Variants in RADIL observed in about 807,000 individuals in gnomAD.
The protein encoded by RADIL is Rap associating with DIL domain.
Under a neutral mutation model 97.6 loss-of-function variants are expected in RADIL, and 99 were observed. The ratio of observed to expected loss-of-function variants is 1.01; its 90% CI spans 0.86 to 1.20. RADIL has a LOEUF of 1.20. Ranked by LOEUF, RADIL falls within the 50% of genes most tolerant of loss-of-function variation. The pLI is 0.00. For synonymous variants in RADIL, 803 were observed against 691.8 expected (o/e 1.16, Z -2.52); for missense variants, 1,765 against 1,498.9 (o/e 1.18, Z -2.93).
chr7:4,820,528 G>C (rs1583280464), intron 6 of RADIL, among the ~76,000 whole-genome samples: 1 of 152,352 alleles, frequency 6.6e-6, no homozygotes, highest in African/African-American at 2.4e-5. Context: ...GCCAGGAGGG[G>C]TTGACACTAC....
rs1339378476 is a variant in RADIL, at chr7:4,815,457, A to G, written c.1967-7T>C. 2 of 1,495,570 alleles carry G rather than the reference A, an allele frequency of 1.3e-6. No homozygotes were observed. The highest frequency in any genetic ancestry group is 1.8e-6 in the Non-Finnish European group (2 of 1,119,334). The allele number at this position is 1,495,570 out of a possible 1,614,324, so 92.6% of individuals were successfully genotyped here. Reference sequence around the variant, plus strand: ...AAGCAGCTCAGGGAGGGGCCTGTGGAGGGAAGAAGGGAGGGTGATGCCTGG... The same window carrying G: ...AAGCAGCTCAGGGAGGGGCCTGTGGGGGGAAGAAGGGAGGGTGATGCCTGG... On this transcript the variant is annotated splice_polypyrimidine_tract_variant and splice_region_variant and intron_variant, in intron 8 of 14. Transcript: ENST00000399583. The surrounding 1 kb of genome is among the most constrained non-coding windows in gnomAD (Gnocchi z 8.0).
At chr7:4,871,857 T>G (rs952047274) in intron 2 of RADIL, among the ~76,000 whole-genome samples, 1 of 152,214 alleles carries the variant, frequency 6.6e-6, no homozygotes, top group African/African-American at 2.4e-5. Context: ...CAGTGAGTGC[T>G]GGGGTGGTGT....
chr7:4,853,367 C>A (rs141391590), intron 2 of RADIL, among the ~76,000 whole-genome samples: 3 of 152,196 alleles, frequency 2.0e-5, no homozygotes, highest in African/African-American at 7.2e-5. Context: ...CTCACCTAAA[C>A]ACATGGGCCT....
chr7:4,836,657 A>C (rs765819795), intron 2 of RADIL, 52 bp from the exon 3 acceptor site: 1 of 1,597,976 alleles, frequency 6.3e-7, no homozygotes, highest in Non-Finnish European at 8.5e-7. Context: ...TAGCACCAGG[A>C]CTGGGCGCGG....
chr7:4,876,010 T>C (rs1221947112), intron 2 of RADIL, among the ~76,000 whole-genome samples: 1 of 152,140 alleles, frequency 6.6e-6, no homozygotes, highest in East Asian at 1.9e-4. Flanking sequence ...TTTATTGTTA[T>C]TTTTTTGAGA....
chr7:4,811,982 C>T (rs1782561334), intron 9 of RADIL, among the ~76,000 whole-genome samples: 1 of 152,044 alleles, frequency 6.6e-6, no homozygotes, highest in Non-Finnish European at 1.5e-5. Flanking sequence ...TCCTGGAATC[C>T]TCCTGCCTCA....
At position 4,834,885 on chromosome 7, in the gene RADIL, G is replaced by A. The variant is rs959818948; in HGVS notation, c.1138C>T (p.Arg380Trp). ...ARLRAVPQSC[R>W]LCGAALGARG... The stretch of plus-strand genomic sequence containing the variant: ...GCCCCGAGCGCGGCCCCGCACAGCC[G>A]GCAGCTCTGCGGCACAGCCCGGAGG... The change falls in exon 4 of 15, where the codon CGG (arginine) becomes TGG (tryptophan). Residue 380 changes from arginine (R) to tryptophan (W), a missense_variant. Coordinates refer to ENST00000399583, the MANE Select transcript of RADIL (RefSeq NM_018059.5). The surrounding 1 kb of genome is among the most constrained non-coding windows in gnomAD (Gnocchi z 6.0). 8 of 1,448,788 alleles carry A rather than the reference G, an allele frequency of 5.5e-6. No individual in the cohort carries two copies. The highest frequency in any genetic ancestry group is 2.8e-5 in the Admixed American group (1 of 35,460). 89.7% of individuals were successfully genotyped at this position (1,448,788 alleles called of 1,614,324 possible).
rs1017118859 is a variant in RADIL, at chr7:4,854,781, T to A, written c.536-18176A>T. On this transcript the variant is annotated intron_variant, in intron 2 of 14. Coordinates refer to ENST00000399583, the MANE Select transcript of RADIL (RefSeq NM_018059.5). This position sits in a 1 kb window ranked among gnomAD's most constrained non-coding sequence, Gnocchi z 5.1. ...TCACACATATGAAAGCATTTGTAAC[T>A]TAGACTAATAACAAAATAAACACCA... is the stretch of plus-strand genomic sequence containing the variant. Among the ~76,000 whole-genome samples, 1 of 152,138 alleles carries A rather than the reference T, an allele frequency of 6.6e-6. No individual in the cohort carries two copies. Among genetic ancestry groups the A allele is most frequent in the Non-Finnish European group, 1.5e-5 (1 of 68,032 alleles).
chr7:4,821,150 G>A lies in RADIL; in HGVS notation c.1615+1244C>T, dbSNP rs1016181094. 6.6e-6 allele frequency among the ~76,000 whole-genome samples: 1 copy of A among 152,180 alleles called. No individual in the cohort carries two copies. The highest frequency in any genetic ancestry group is 2.4e-5 in the African/African-American group (1 of 41,446). ...TGCGCCTCCCTCGAAGCTCAGAGAC[G>A]CAGCCTGGAGCAGCTCTGAATGCAC... is the stretch of plus-strand genomic sequence containing the variant. On this transcript the variant is annotated intron_variant, in intron 6 of 14. Transcript: ENST00000399583. This position sits in a 1 kb window ranked among gnomAD's most constrained non-coding sequence, Gnocchi z 5.2.
chr7:4,846,892 C>T (rs1248281268), intron 2 of RADIL, among the ~76,000 whole-genome samples: 1 of 151,992 alleles, frequency 6.6e-6, no homozygotes, highest in Non-Finnish European at 1.5e-5. Context: ...AACATTTCTT[C>T]AAAGAATAAA....
intron 4 of RADIL, among the ~76,000 whole-genome samples, chr7:4,833,525 C>G (rs1279577105): frequency 6.6e-6 from 1 of 152,184 alleles, no homozygotes; most frequent in African/African-American, 2.4e-5. Flanking sequence ...ATTACAACAC[C>G]CACGGTGCAC....
In RADIL at chr7:4,809,649, A is replaced by ATAT. The variant is rs1175846916; in HGVS notation, c.2140-3934_2140-3933insATA. On this transcript the variant is annotated intron_variant, in intron 9 of 14. Transcript: ENST00000399583. ...CAACCTGCCCTTTCAGGAGTATTTT[A>ATAT]CATCTTATTTTATTTATTTATTTAT... 4.8e-5 allele frequency: 46 copies of ATAT among 955,648 alleles called. No individual in the cohort carries two copies. The African/African-American group carries it at 8.1e-4, about 17-fold the overall frequency. The allele number at this position is 955,648 out of a possible 1,614,324, so 59.2% of individuals were successfully genotyped here.
intron 2 of RADIL, chr7:4,861,698 A>G: frequency 6.3e-7 from 1 of 1,578,196 alleles, no homozygotes; most frequent in Non-Finnish European, 8.6e-7. Context: ...CTGGGTGAGG[A>G]GGCAGTCCGT....
rs760240478 is a variant in RADIL, at chr7:4,835,108, G to C, written c.915C>G (p.Leu305=). 2.5e-6 allele frequency: 4 copies of C among 1,609,190 alleles called. No individual in the cohort carries two copies. Among genetic ancestry groups the C allele is most frequent in the South Asian group, 2.2e-5 (2 of 90,560 alleles). The part of the protein sequence containing the change: ...PLHCTIRRQP[L]PDSGQAAGRL... ...TCCCCGCGGCCTGGCCGCTGTCCGG[G>C]AGCGGTTGCCGGCGGATGGTGCAGT... Residue 305 remains leucine, a synonymous_variant, in exon 4 of 15, where the codon CTC becomes CTG. Coordinates refer to ENST00000399583, the MANE Select transcript of RADIL (RefSeq NM_018059.5). This position sits in a 1 kb window ranked among gnomAD's most constrained non-coding sequence, Gnocchi z 5.8.
intron 14 of RADIL, 29 bp downstream of exon 14, chr7:4,799,601 G>C (rs1782006674): frequency 6.2e-7 from 1 of 1,605,094 alleles, no homozygotes; most frequent in South Asian, 1.1e-5. Flanking sequence ...TCTGGGAGAA[G>C]GGGCCGGGCG....
intron 2 of RADIL, chr7:4,861,044 C>A: frequency 6.2e-7 from 1 of 1,614,208 alleles, no homozygotes; most frequent in Middle Eastern, 1.6e-4. Context: ...CTGACAAGTT[C>A]TTGCTACTAG....
Position 4,817,064 on chromosome 7 carries a change from G to GGTGCA in RADIL, c.1728+170_1728+174dup, listed in dbSNP as rs1038261588. ...GACCTGAGGAGGAGCGGGTGTGGGG[G>GGTGCA]GTGCAGCTGGGCCTGTGCAGAACCT... On this transcript the variant is annotated intron_variant, in intron 7 of 14. Transcript: ENST00000399583. This position sits in a 1 kb window ranked among gnomAD's most constrained non-coding sequence, Gnocchi z 8.3. Among the ~76,000 whole-genome samples, 21 of 152,284 alleles carry GGTGCA rather than the reference G, an allele frequency of 1.4e-4. No homozygotes were observed. Among genetic ancestry groups the GGTGCA allele is most frequent in the African/African-American group, 5.1e-4 (21 of 41,542 alleles).
At chr7:4,831,109 C>T (rs10242876) in intron 5 of RADIL, among the ~76,000 whole-genome samples, 3,208 of 150,430 alleles carry the variant, frequency 0.021, 123 homozygotes, top group African/African-American at 0.075. Context: ...GAGAATCGCT[C>T]GAACCTGAGA....
chr7:4,860,789 T>C (rs1354724920), intron 2 of RADIL: 1 of 1,614,198 alleles, frequency 6.2e-7, no homozygotes, highest in Non-Finnish European at 8.5e-7. Context: ...CTGTTTAAAC[T>C]CCTCAATCAT....
Sources: allele counts gnomAD v4.1 joint callset (sites outside exome capture counted in the v4.1 genomes callset), GRCh38; gene constraint gnomAD v4.1.1; non-coding constraint Gnocchi (gnomAD v3.1); transcripts MANE v1.5; gene names NCBI Gene and HGNC (gene_info 2026-07-23, HGNC 2026-07-21).